The following SORCS1 variants were observed in gnomAD, a reference collection of about 807,000 sequenced individuals.
SORCS1 encodes the protein VPS10 domain-containing receptor SorCS1.
Under a neutral mutation model 146.1 loss-of-function variants are expected in SORCS1, and 60 were observed. The ratio of observed to expected loss-of-function variants is 0.41; its 90% CI spans 0.33 to 0.51. The LOEUF (loss-of-function observed/expected upper bound fraction) is 0.51, where lower values mean the gene tolerates loss of function less well. Among genes scored for constraint, SORCS1 ranks in the 20% least tolerant of loss-of-function variants. The pLI, the probability that SORCS1 is intolerant of heterozygous loss-of-function variation, is 0.21. For synonymous variants in SORCS1, 637 were observed against 584.0 expected (o/e 1.09, Z -1.31); for missense variants, 1,352 against 1,487.6 (o/e 0.91, Z 1.50).
rs1488561133 is a variant in SORCS1 at position 107,164,608 on chromosome 10, C to G, written c.-82G>C. The G allele has an allele frequency of 8.5e-7, 1 of 1,179,946 alleles. No individual in the cohort carries two copies. The highest frequency in any genetic ancestry group is 4.2e-5 in the Admixed American group (1 of 23,816). 73.1% of individuals were successfully genotyped at this position (1,179,946 alleles called of 1,614,324 possible). A position where few individuals can be genotyped will look rare whatever the true frequency, so the allele number is the denominator to read the frequency against. On this transcript the variant is annotated 5_prime_UTR_variant, in exon 1 of 26. Transcript: ENST00000263054. This position sits in a 1 kb window ranked among gnomAD's most constrained non-coding sequence, Gnocchi z 6.8. ...CTCTGCGCTGGCGGCTGTGGGGGGC[C>G]GGCGCTCAGGACCCCAACTCCATCC...
intron 1 of SORCS1, among the ~76,000 whole-genome samples, chr10:107,110,701 T>A (rs1392948034): frequency 6.9e-6 from 1 of 145,658 alleles, no homozygotes; most frequent in Non-Finnish European, 1.5e-5. Flanking sequence ...CCAAACTATA[T>A]CATTGTGACT....
At chr10:106,683,477 C>G (rs1296703302) in intron 10 of SORCS1, among the ~76,000 whole-genome samples, 1 of 152,142 alleles carries the variant, frequency 6.6e-6, no homozygotes, top group Non-Finnish European at 1.5e-5. Context: ...ATAATGTTCT[C>G]CAGCTGATCC....
chr10:107,016,575 C>A (rs1957907858), intron 1 of SORCS1, among the ~76,000 whole-genome samples: 1 of 152,124 alleles, frequency 6.6e-6, no homozygotes, highest in South Asian at 2.1e-4. Flanking sequence ...AATGAGATTT[C>A]TAGAAGATCA....
chr10:107,025,526 T>C (rs1225816149), intron 1 of SORCS1, among the ~76,000 whole-genome samples: 1 of 152,222 alleles, frequency 6.6e-6, no homozygotes, highest in Admixed American at 6.5e-5. Context: ...TATTGTTTCA[T>C]GATGTTTAGT....
At chr10:106,895,939 ATGTG>A (rs879502174) in intron 2 of SORCS1, among the ~76,000 whole-genome samples, 3 of 113,206 alleles carry the variant, frequency 2.7e-5, no homozygotes, top group East Asian at 2.7e-4. Context: ...ACATATATAT[ATGTG>A]TGTGTGTGTA....
intron 19 of SORCS1, among the ~76,000 whole-genome samples, chr10:106,623,027 T>C (rs1193096365): frequency 6.6e-6 from 1 of 152,332 alleles, no homozygotes; most frequent in Non-Finnish European, 1.5e-5. Flanking sequence ...CAGCAAGCCA[T>C]GTCCTGGTCC....
intron 1 of SORCS1, among the ~76,000 whole-genome samples, chr10:106,988,592 TG>T (rs1413351534): frequency 2.0e-5 from 3 of 152,158 alleles, no homozygotes; most frequent in African/African-American, 7.2e-5. Context: ...AAGGCTAATG[TG>T]GGACAGCTCC....
chr10:107,042,611 ATT>A (rs35015031), intron 1 of SORCS1, among the ~76,000 whole-genome samples: 7 of 143,722 alleles, frequency 4.9e-5, no homozygotes, highest in Admixed American at 7.0e-5. Context: ...GAAGTGAACT[ATT>A]TTTTTTTTTT....
In SORCS1 at chr10:106,577,477, G is replaced by C; in HGVS notation, c.3450C>G (p.His1150Gln). ...GCTTTGGCGTTGAAGGCGGAGTGGC[G>C]TGTCTTGCTCTTTGCAATCGGAGAG... ...DSSLRLQRARHATPPSTPKRG... is the reference protein window; with the variant it reads ...DSSLRLQRARQATPPSTPKRG... The change falls in exon 26 of 26, where the codon CAC (histidine) becomes CAG (glutamine). Residue 1150 changes from histidine (H) to glutamine (Q), a missense_variant. Physicochemically the swap from His to Gln is conservative, Grantham distance 24. Around this residue, in one of 3 missense-constraint regions of SORCS1, gnomAD observed 214 missense variants for 204.8 expected, o/e 1.05. Transcript: ENST00000263054. 6 of 1,602,766 alleles carry C rather than the reference G, an allele frequency of 3.7e-6. No homozygotes were observed. Among genetic ancestry groups the C allele is most frequent in the Non-Finnish European group, 5.1e-6 (6 of 1,173,238 alleles).
At chr10:106,700,406 C>A (rs1459444798) in intron 8 of SORCS1, among the ~76,000 whole-genome samples, 3 of 152,044 alleles carry the variant, frequency 2.0e-5, no homozygotes, top group African/African-American at 7.2e-5. Context: ...CATAAAACAA[C>A]TTCCAAAAAC....
intron 16 of SORCS1, among the ~76,000 whole-genome samples, chr10:106,668,842 A>G (rs1200844764): frequency 6.6e-6 from 1 of 152,152 alleles, no homozygotes; most frequent in East Asian, 1.9e-4. Context: ...GGGACAGGCA[A>G]GGTCATTTGG....
chr10:106,662,352 A>T (rs1850795186), intron 17 of SORCS1, among the ~76,000 whole-genome samples: 1 of 152,122 alleles, frequency 6.6e-6, no homozygotes, highest in African/African-American at 2.4e-5. Flanking sequence ...GATTTCCTGC[A>T]TGCTTCCAAA....
chr10:106,835,417 C>T (rs2137067408), intron 2 of SORCS1, among the ~76,000 whole-genome samples: 1 of 152,272 alleles, frequency 6.6e-6, no homozygotes, highest in African/African-American at 2.4e-5. Context: ...GTGTTCTTTG[C>T]TCAATACTTA....
At chr10:106,988,134 T>C (rs1338479321) in intron 1 of SORCS1, among the ~76,000 whole-genome samples, 1 of 152,174 alleles carries the variant, frequency 6.6e-6, no homozygotes, top group Non-Finnish European at 1.5e-5. Flanking sequence ...TCAACAGAAG[T>C]AGTGGGAAAG....
intron 1 of SORCS1, among the ~76,000 whole-genome samples, chr10:107,088,019 C>T (rs532404100): frequency 1.0e-3 from 155 of 152,198 alleles, no homozygotes; most frequent in African/African-American, 3.5e-3. Flanking sequence ...CCCGGGTTCA[C>T]GCCATTCTCC....
intron 3 of SORCS1, among the ~76,000 whole-genome samples, chr10:106,815,524 T>C (rs553773380): frequency 6.6e-6 from 1 of 152,334 alleles, no homozygotes; most frequent in South Asian, 2.1e-4. Flanking sequence ...TTTGATAATC[T>C]TCTGGGCTTT....
At chr10:107,071,325 A>C (rs1008612103) in intron 1 of SORCS1, among the ~76,000 whole-genome samples, 3 of 152,120 alleles carry the variant, frequency 2.0e-5, no homozygotes, top group Non-Finnish European at 4.4e-5. Flanking sequence ...AACAGTGTTG[A>C]AGCTTTTACG....
At chr10:107,088,445 G>T (rs556066412) in intron 1 of SORCS1, among the ~76,000 whole-genome samples, 37 of 152,168 alleles carry the variant, frequency 2.4e-4, no homozygotes, top group Non-Finnish European at 4.3e-4. Context: ...CCCTGATTGG[G>T]TGGGGCATGG....
At chr10:106,719,270 G>A (rs547832192) in intron 6 of SORCS1, among the ~76,000 whole-genome samples, 1 of 152,118 alleles carries the variant, frequency 6.6e-6, no homozygotes, top group South Asian at 2.1e-4. Flanking sequence ...TTCTCCAGGT[G>A]TTTTATTTTT....
Sources: allele counts gnomAD v4.1 joint callset (sites outside exome capture counted in the v4.1 genomes callset), GRCh38; gene constraint gnomAD v4.1.1; regional missense constraint gnomAD v4.1.1; non-coding constraint Gnocchi (gnomAD v3.1); transcripts MANE v1.5; gene names NCBI Gene and HGNC (gene_info 2026-07-23, HGNC 2026-07-21).